IL1RAPL1: variants seen among roughly 807,000 people sequenced by gnomAD.
The protein encoded by IL1RAPL1 is interleukin-1 receptor accessory protein-like 1.
A neutral mutation model predicts 48.4 loss-of-function variants in IL1RAPL1; 3 were observed. The observed-to-expected ratio is 0.06, with a 90% CI of 0.03 to 0.16. The LOEUF (loss-of-function observed/expected upper bound fraction) is 0.16. Ranked by LOEUF, IL1RAPL1 falls within the 10% of genes least tolerant of loss-of-function variation. The probability of loss-of-function intolerance (pLI) is 1.00; values close to 1 mark genes in which losing one functional copy is unlikely to be tolerated. For synonymous variants in IL1RAPL1, 185 were observed against 187.7 expected, an observed-to-expected ratio of 0.99 and a Z score of 0.12; for missense variants, 349 against 530.6, an observed-to-expected ratio of 0.66 and a Z score of 3.36.
chrX:28,647,030 T>C (rs1372137246), intron 1 of IL1RAPL1, among the ~76,000 whole-genome samples: 1 of 111,425 alleles, frequency 9.0e-6, no homozygotes, highest in Non-Finnish European at 1.9e-5. Context: ...TAGCTCCAAT[T>C]GATGGCTAAT....
intron 2 of IL1RAPL1, among the ~76,000 whole-genome samples, chrX:28,790,697 T>C (rs1372781965): frequency 1.8e-5 from 2 of 112,751 alleles, no homozygotes; most frequent in Non-Finnish European, 3.7e-5. Flanking sequence ...TTTCATCTCT[T>C]CTTCTCAGTG....
intron 1 of IL1RAPL1, among the ~76,000 whole-genome samples, chrX:28,595,035 A>G (rs1416570765): frequency 1.8e-5 from 2 of 111,905 alleles, no homozygotes; most frequent in Middle Eastern, 4.7e-3. Flanking sequence ...TCTTGCTTCC[A>G]GGGGATTCCA....
At chrX:29,368,381 G>A (rs901331751) in intron 3 of IL1RAPL1, among the ~76,000 whole-genome samples, 1 of 111,210 alleles carries the variant, frequency 9.0e-6, no homozygotes, top group East Asian at 2.8e-4. Context: ...TTCTGTTTTT[G>A]TTTGTTTTTG....
chrX:29,318,757 C>T (rs1932779676), intron 3 of IL1RAPL1, among the ~76,000 whole-genome samples: 1 of 112,063 alleles, frequency 8.9e-6, no homozygotes, highest in Non-Finnish European at 1.9e-5. Flanking sequence ...AACTGTGATA[C>T]CATAAGTGAT....
intron 2 of IL1RAPL1, among the ~76,000 whole-genome samples, chrX:29,066,503 C>A (rs907652391): frequency 8.9e-6 from 1 of 112,266 alleles, no homozygotes; most frequent in Non-Finnish European, 1.9e-5. Context: ...TAAACTCAAG[C>A]CCCTTTGGAA....
intron 6 of IL1RAPL1, among the ~76,000 whole-genome samples, chrX:29,818,382 G>C (rs1392475637): frequency 9.0e-6 from 1 of 111,613 alleles, no homozygotes; most frequent in Non-Finnish European, 1.9e-5. Context: ...TCCTTAGTGG[G>C]CAGATACTGT....
chrX:29,550,328 A>G (rs924949225), intron 5 of IL1RAPL1, among the ~76,000 whole-genome samples: 1 of 110,744 alleles, frequency 9.0e-6, no homozygotes, highest in Non-Finnish European at 1.9e-5. Flanking sequence ...AGTAGCTGGG[A>G]CTACAGGCGC....
At chrX:29,817,006 C>T (rs1453622466) in intron 6 of IL1RAPL1, among the ~76,000 whole-genome samples, 4 of 109,852 alleles carry the variant, frequency 3.6e-5, no homozygotes, top group African/African-American at 1.3e-4. Flanking sequence ...ATCTCCTCTG[C>T]TCTCTCTCCT....
intron 2 of IL1RAPL1, among the ~76,000 whole-genome samples, chrX:28,911,745 CAATA>C (rs1202141604): frequency 9.1e-6 from 1 of 110,118 alleles, no homozygotes; most frequent in Non-Finnish European, 1.9e-5. Flanking sequence ...AATGTCCACT[CAATA>C]AATGTTTGCT....
At chrX:29,203,671 A>G (rs1930601967) in intron 2 of IL1RAPL1, among the ~76,000 whole-genome samples, 1 of 104,651 alleles carries the variant, frequency 9.6e-6, no homozygotes, top group African/African-American at 3.6e-5. Flanking sequence ...GTGAGCTGAG[A>G]TCGTACCATT....
intron 6 of IL1RAPL1, among the ~76,000 whole-genome samples, chrX:29,784,079 G>A (rs1019043799): frequency 8.9e-6 from 1 of 111,811 alleles, no homozygotes; most frequent in African/African-American, 3.3e-5. Context: ...AGGCCCTCTC[G>A]AATTATATAC....
At chrX:28,881,178 A>T (rs1441700906) in intron 2 of IL1RAPL1, among the ~76,000 whole-genome samples, 1 of 111,044 alleles carries the variant, frequency 9.0e-6, no homozygotes, top group African/African-American at 3.3e-5. Flanking sequence ...AATTTTGTTG[A>T]CTGTCTTTCT....
intron 6 of IL1RAPL1, among the ~76,000 whole-genome samples, chrX:29,741,134 CTG>C (rs1928185899): frequency 8.9e-6 from 1 of 112,226 alleles, no homozygotes; most frequent in Non-Finnish European, 1.9e-5. Flanking sequence ...TGAAATAAGA[CTG>C]TGGAGATTAG....
intron 6 of IL1RAPL1, among the ~76,000 whole-genome samples, chrX:29,737,639 A>C: frequency 8.9e-6 from 1 of 112,437 alleles, no homozygotes; most frequent in South Asian, 3.7e-4. Flanking sequence ...CTGCTGAAAA[A>C]GTCATTAAAA....
At chrX:29,742,740 C>G (rs997653395) in intron 6 of IL1RAPL1, among the ~76,000 whole-genome samples, 4 of 111,989 alleles carry the variant, frequency 3.6e-5, no homozygotes, top group Non-Finnish European at 5.6e-5. Context: ...AAAACCAACA[C>G]TATTAGCTCT....
At chrX:28,783,014 GT>G (rs1936439506) in intron 1 of IL1RAPL1, among the ~76,000 whole-genome samples, 1 of 111,148 alleles carries the variant, frequency 9.0e-6, no homozygotes, top group African/African-American at 3.3e-5. Flanking sequence ...AGCACTATTG[GT>G]TTTTAACCTC....
intron 2 of IL1RAPL1, among the ~76,000 whole-genome samples, chrX:28,862,254 A>G (rs1173968744): frequency 2.7e-5 from 3 of 111,933 alleles, no homozygotes; most frequent in Non-Finnish European, 3.8e-5. Flanking sequence ...ATAGGGGACT[A>G]TTGTATAATG....
intron 2 of IL1RAPL1, among the ~76,000 whole-genome samples, chrX:29,264,726 G>A (rs935170029): frequency 1.8e-5 from 2 of 109,804 alleles, no homozygotes; most frequent in East Asian, 2.8e-4. Context: ...TCAGAAACTG[G>A]GTTCTCAATT....
At chrX:28,716,406 G>A (rs1935504854) in intron 1 of IL1RAPL1, among the ~76,000 whole-genome samples, 1 of 111,064 alleles carries the variant, frequency 9.0e-6, no homozygotes, top group African/African-American at 3.3e-5. Flanking sequence ...TTTTGAAGAT[G>A]TTTAAAAAAA....
Sources: gnomAD v4.1 joint callset for allele counts (sites outside exome capture counted in the v4.1 genomes callset) on GRCh38, gnomAD v4.1.1 for gene constraint, MANE v1.5 for transcripts, NCBI Gene and HGNC (gene_info 2026-07-23, HGNC 2026-07-21) for gene names.